The following TLE2 variants were observed in gnomAD, a reference collection of about 807,000 sequenced individuals.
The protein encoded by TLE2 is TLE family member 2, transcriptional corepressor.
In TLE2, 74 loss-of-function variants were observed where a neutral mutation model predicts 97.2. The observed-to-expected ratio is 0.76, with a 90% CI of 0.63 to 0.92. The LOEUF is 0.92. Ranked by LOEUF, TLE2 falls within the 40% of genes least tolerant of loss-of-function variation. The pLI, the probability that TLE2 is intolerant of heterozygous loss-of-function variation, is 0.00. For synonymous variants in TLE2, 499 were observed against 432.1 expected, an observed-to-expected ratio of 1.15 and a Z score of -1.92; for missense variants, 1,038 against 1,008.7, an observed-to-expected ratio of 1.03 and a Z score of -0.39.
At position 3,028,924 on chromosome 19, in the gene TLE2, C is replaced by T; in HGVS notation, c.-20G>A. On this transcript the variant is annotated 5_prime_UTR_variant, in exon 1 of 20. Coordinates refer to ENST00000262953, the MANE Select transcript of TLE2 (RefSeq NM_003260.5). ...GTACATCCTGCCGATCCGAAAAGCC[C>T]CCCAGGCGCCACCAGAGCTTGATGA... The T allele has an allele frequency of 6.2e-7, 1 of 1,608,824 alleles. No homozygotes were observed. The highest frequency in any genetic ancestry group is 8.5e-7 in the Non-Finnish European group (1 of 1,178,852).
intron 14 of TLE2, among the ~76,000 whole-genome samples, chr19:3,008,450 T>C (rs2089520760): frequency 7.3e-6 from 1 of 137,810 alleles, no homozygotes; most frequent in African/African-American, 2.7e-5. Flanking sequence ...CTTTTTTTCT[T>C]TTTTCTTTTT....
At chr19:3,008,787 C>T in intron 14 of TLE2, 82 bp downstream of exon 14, 2 of 1,193,256 alleles carry the variant, frequency 1.7e-6, no homozygotes, top group Non-Finnish European at 2.3e-6. Context: ...GCAGGGAGAC[C>T]CCAACCACAG....
Position 3,019,635 on chromosome 19 carries a change from G to A in TLE2, c.369+64C>T. On this transcript the variant is annotated intron_variant, in intron 6 of 19. Coordinates refer to ENST00000262953, the MANE Select transcript of TLE2 (RefSeq NM_003260.5). The surrounding 1 kb of genome is among the most constrained non-coding windows in gnomAD (Gnocchi z 5.1). ...CCACCCCAGCTTTAACACCTCCTGG[G>A]TGGGTGCCAGGGACCTGGGAGTGGG... is the stretch of plus-strand genomic sequence containing the variant. The A allele has an allele frequency of 1.3e-6, 2 of 1,569,474 alleles. No homozygotes were observed. The highest frequency in any genetic ancestry group is 2.3e-5 in the South Asian group (2 of 85,726).
chr19:3,038,705 C>T (rs2090078668), intron 1 of TLE2, among the ~76,000 whole-genome samples: 1 of 152,154 alleles, frequency 6.6e-6, no homozygotes, highest in African/African-American at 2.4e-5. Flanking sequence ...GCCAGAGGTT[C>T]GAGACCAGCC....
intron 14 of TLE2, among the ~76,000 whole-genome samples, chr19:3,006,932 G>A (rs1054101605): frequency 6.6e-6 from 1 of 151,854 alleles, no homozygotes; most frequent in South Asian, 2.1e-4. Flanking sequence ...ACAGGCATGC[G>A]CCACCATGCC....
chr19:3,036,715 A>C (rs1359345825), intron 1 of TLE2, among the ~76,000 whole-genome samples: 1 of 150,970 alleles, frequency 6.6e-6, no homozygotes, highest in East Asian at 1.9e-4. Context: ...GTTTACCCAG[A>C]TGCACAGTGA....
At chr19:3,002,321 G>A (rs770971956) in intron 18 of TLE2, 32 bp downstream of exon 18, 1 of 1,574,084 alleles carries the variant, frequency 6.4e-7, no homozygotes, top group South Asian at 1.2e-5. Flanking sequence ...TTGGGGTTTT[G>A]AGGGCGTGCC....
Position 3,000,629 on chromosome 19 carries a change from C to T in TLE2, c.2124+18G>A. 1 of 1,568,124 alleles carries T rather than the reference C, an allele frequency of 6.4e-7. No homozygotes were observed. The highest frequency in any genetic ancestry group is 8.6e-7 in the Non-Finnish European group (1 of 1,157,198). On this transcript the variant is annotated intron_variant, in intron 19 of 19. Coordinates refer to ENST00000262953, the MANE Select transcript of TLE2 (RefSeq NM_003260.5). ...GCACATGGCCCTGCCAGAGTGGGGG[C>T]TCCAGACCGCCGAGTACCTGGAAAA...
chr19:3,006,456 A>C lies in TLE2; in HGVS notation c.1464T>G (p.Pro488=), dbSNP rs2089480836. The C allele has an allele frequency of 1.2e-6, 2 of 1,610,592 alleles. No individual in the cohort carries two copies. Among genetic ancestry groups the C allele is most frequent in the South Asian group, 1.1e-5 (1 of 90,854 alleles). ...GCVKVWDVGQ[P]GAKTPVAQLD... ...GCTGGGCCACGGGCGTCTTGGCCCC[A>C]GGCTGGCCCACGTCCCACACCTTCA... The change falls in exon 15 of 20, where the codon CCT becomes CCG. Residue 488 remains proline, a synonymous_variant. Transcript: ENST00000262953.
At chr19:3,046,931 T>TCCCTCCCCCTCCTC (rs1247386481), upstream of TLE2, among the ~76,000 whole-genome samples, 2 of 71,432 alleles carry the variant, frequency 2.8e-5, no homozygotes, top group Non-Finnish European at 5.2e-5. Context: ...CCCCCTCCTC[T>TCCCTCCCCCTCCTC]GCCTCCCCCT....
At chr19:2,998,329 G>A (rs534085194) in intron 19 of TLE2, among the ~76,000 whole-genome samples, 12 of 150,218 alleles carry the variant, frequency 8.0e-5, no homozygotes, top group African/African-American at 2.4e-4. Context: ...CCAGGCTAGA[G>A]TGCAATGGTG....
At chr19:3,014,785 G>C (rs1266464408) in intron 9 of TLE2, among the ~76,000 whole-genome samples, 171 bp from the exon 10 acceptor site, 1 of 152,028 alleles carries the variant, frequency 6.6e-6, no homozygotes, top group Non-Finnish European at 1.5e-5. Flanking sequence ...GCACGTGCCC[G>C]CATCCGGGAA....
At chr19:3,031,817 C>G (rs542411999), upstream of TLE2, among the ~76,000 whole-genome samples, 1 of 152,218 alleles carries the variant, frequency 6.6e-6, no homozygotes, top group South Asian at 2.1e-4. Flanking sequence ...TCAGAACGGC[C>G]CCTCCTAGCC....
At chr19:3,022,872 C>T (rs2089872160) in intron 5 of TLE2, among the ~76,000 whole-genome samples, 1 of 152,042 alleles carries the variant, frequency 6.6e-6, no homozygotes, top group African/African-American at 2.4e-5. Context: ...TTGCAACTAC[C>T]AAACTCTGTC....
Position 3,006,594 on chromosome 19 carries a change from CGCGCCTACCAGT to C in TLE2, c.1314_1325del (p.Leu439_Ala442del), listed in dbSNP as rs1205287917. Reference sequence around the variant, plus strand: ...GCTGCCGGGCGTGCCGCGGGATGCCCGCGCCTACCAGTGCATCCGAGGGGAAGGGAACCGGCT... The same window carrying C: ...GCTGCCGGGCGTGCCGCGGGATGCCCGCATCCGAGGGGAAGGGAACCGGCT... On this transcript the variant is annotated inframe_deletion, in exon 15 of 20. Coordinates refer to ENST00000262953, the MANE Select transcript of TLE2 (RefSeq NM_003260.5). 3 of 1,607,852 alleles carry C rather than the reference CGCGCCTACCAGT, an allele frequency of 1.9e-6. No homozygotes were observed. The highest frequency in any genetic ancestry group is 2.5e-6 in the Non-Finnish European group (3 of 1,177,868).
At chr19:3,012,400 A>T (rs981009349) in intron 11 of TLE2, among the ~76,000 whole-genome samples, 4 of 152,172 alleles carry the variant, frequency 2.6e-5, no homozygotes, top group Non-Finnish European at 5.9e-5. Flanking sequence ...AATTTTTCAT[A>T]GAGACAAGGT....
At position 3,019,594 on chromosome 19, in the gene TLE2, A is replaced by G. The variant is rs531696542; in HGVS notation, c.369+105T>C. 428 of 1,519,282 alleles carry G rather than the reference A, an allele frequency of 2.8e-4. 5 individuals carry two copies. The South Asian group carries it at 5.1e-3, about 18-fold the overall frequency. The allele number at this position is 1,519,282 out of a possible 1,614,324, so 94.1% of individuals were successfully genotyped here. On this transcript the variant is annotated intron_variant, in intron 6 of 19. Coordinates refer to ENST00000262953, the MANE Select transcript of TLE2 (RefSeq NM_003260.5). The surrounding 1 kb of genome is among the most constrained non-coding windows in gnomAD (Gnocchi z 5.1). ...CCCCTGGGGTTCCCAGGACCACTGG[A>G]GCCAAGGCCCACACACCACCCCAGC...
chr19:3,027,932 T>G (rs368237646), intron 3 of TLE2, 59 bp from the exon 4 acceptor site: 1 of 1,523,300 alleles, frequency 6.6e-7, no homozygotes, highest in South Asian at 1.2e-5. Context: ...CTCCTCCAGA[T>G]AGGTGATGCC....
upstream of TLE2, chr19:3,029,574 C>T: frequency 2.4e-6 from 1 of 424,058 alleles, no homozygotes; most frequent in Non-Finnish European, 3.0e-6. Context: ...GGGGGGCTTG[C>T]GGGGAGCGGG....
Sources: allele counts gnomAD v4.1 joint callset (sites outside exome capture counted in the v4.1 genomes callset), GRCh38; gene constraint gnomAD v4.1.1; non-coding constraint Gnocchi (gnomAD v3.1); transcripts MANE v1.5; gene names NCBI Gene and HGNC (gene_info 2026-07-23, HGNC 2026-07-21).